ACKR2: variants seen among roughly 807,000 people sequenced by gnomAD.
The protein encoded by ACKR2 is atypical chemokine receptor 2.
For missense variants in ACKR2, 457 were observed against 477.3 expected, an observed-to-expected ratio of 0.96 and a Z score of 0.40; for synonymous variants, 207 against 192.2, an observed-to-expected ratio of 1.08 and a Z score of -0.64.
At chr3:42,823,541 G>C (rs1423002253) in intron 2 of ACKR2, among the ~76,000 whole-genome samples, 1 of 152,122 alleles carries the variant, frequency 6.6e-6, no homozygotes, top group African/African-American at 2.4e-5. Flanking sequence ...TGGAAGTTTG[G>C]TGGCTTGCCC....
chr3:42,837,128 G>A (rs1029220336), intron 2 of ACKR2, among the ~76,000 whole-genome samples: 1 of 152,160 alleles, frequency 6.6e-6, no homozygotes, highest in Non-Finnish European at 1.5e-5. Context: ...CCAGGGAAAC[G>A]GATGGTGTAA....
chr3:42,864,763 T>C lies in ACKR2; in HGVS notation c.261T>C (p.Asn87=). 1 of 1,614,240 alleles carries C rather than the reference T, an allele frequency of 6.2e-7. No individual in the cohort carries two copies. The highest frequency in any genetic ancestry group is 8.5e-7 in the Non-Finnish European group (1 of 1,180,044). ...GGATGGTTGAGATCTATCTGCTGAA[T>C]CTGGCCATCTCCAACCTTCTGTTTC... ...RRRMVEIYLL[N]LAISNLLFLV... is the part of the protein sequence containing the mutation. The change falls in exon 3 of 3, where the codon AAT becomes AAC. Residue 87 remains asparagine (N), a synonymous_variant. Transcript: ENST00000422265.
intron 2 of ACKR2, among the ~76,000 whole-genome samples, chr3:42,846,153 C>G (rs1403506886): frequency 6.6e-6 from 1 of 152,046 alleles, no homozygotes; most frequent in Admixed American, 6.6e-5. Context: ...TCCTGTCCAG[C>G]CCAAGTGCCA....
chr3:42,811,125 C>G (rs542008922), intron 1 of ACKR2, among the ~76,000 whole-genome samples: 1 of 152,324 alleles, frequency 6.6e-6, no homozygotes, highest in East Asian at 1.9e-4. Flanking sequence ...GCCTGGATTA[C>G]AGGTGTGAGC....
chr3:42,864,461 C>G lies in ACKR2; in HGVS notation c.-37-5C>G. 3 of 1,543,470 alleles carry G rather than the reference C, an allele frequency of 1.9e-6. No homozygotes were observed. Among genetic ancestry groups the G allele is most frequent in the East Asian group, 2.3e-5 (1 of 44,364 alleles). ...GCTAGGTCTCACCATATTTTCCCCCCGCAGCACTACAGGACGTCGGGACTG... is the reference window on the plus strand; with the variant it reads ...GCTAGGTCTCACCATATTTTCCCCCGGCAGCACTACAGGACGTCGGGACTG... On this transcript the variant is annotated splice_polypyrimidine_tract_variant and splice_region_variant and intron_variant, in intron 2 of 2. Transcript: ENST00000422265.
At chr3:42,813,948 A>G (rs535906806) in intron 1 of ACKR2, among the ~76,000 whole-genome samples, 1 of 152,322 alleles carries the variant, frequency 6.6e-6, no homozygotes, top group South Asian at 2.1e-4. Context: ...AATTCTAAGA[A>G]GTTCACACTT....
chr3:42,810,715 C>T (rs13070029), intron 1 of ACKR2, among the ~76,000 whole-genome samples: 32,313 of 152,212 alleles, frequency 0.21, 4,449 homozygotes, highest in East Asian at 0.48. Context: ...TAAAGGCCCT[C>T]GTGCCCCTTT....
chr3:42,845,305 C>T (rs904477766), intron 2 of ACKR2, among the ~76,000 whole-genome samples: 1 of 152,196 alleles, frequency 6.6e-6, no homozygotes, highest in Non-Finnish European at 1.5e-5. Flanking sequence ...AAAGACCCTT[C>T]CTGAGTCTCA....
intron 2 of ACKR2, among the ~76,000 whole-genome samples, chr3:42,822,746 AC>A (rs1700821081): frequency 7.1e-6 from 1 of 141,490 alleles, no homozygotes; most frequent in African/African-American, 2.6e-5. Context: ...CAGCCCAGCT[AC>A]TTGGGAGGTG....
Position 42,852,803 on chromosome 3 carries a change from T to G in ACKR2, c.-37-11663T>G, listed in dbSNP as rs535282308. On this transcript the variant is annotated intron_variant, in intron 2 of 2. Transcript: ENST00000422265. This position sits in a 1 kb window ranked among gnomAD's most constrained non-coding sequence, Gnocchi z 4.3. Reference sequence around the variant, plus strand: ...TTTTTGTTTTTTGGCCTCTTTTCTATTTTTCCACTGTATTTCCACATTTTA... The same window carrying G: ...TTTTTGTTTTTTGGCCTCTTTTCTAGTTTTCCACTGTATTTCCACATTTTA... Among the ~76,000 whole-genome samples, 6 of 152,326 alleles carry G rather than the reference T, an allele frequency of 3.9e-5. No homozygotes were observed. In the South Asian group the frequency reaches 8.3e-4, roughly 21 times the overall value.
intron 2 of ACKR2, among the ~76,000 whole-genome samples, chr3:42,848,619 A>G (rs566825514): frequency 6.6e-6 from 1 of 152,350 alleles, no homozygotes; most frequent in South Asian, 2.1e-4. Context: ...AACCACAGTA[A>G]TAATTACTGT....
chr3:42,855,058 C>T (rs1355920079), intron 2 of ACKR2, among the ~76,000 whole-genome samples: 4 of 151,878 alleles, frequency 2.6e-5, no homozygotes, highest in African/African-American at 4.8e-5. Context: ...GGTTTCGCCA[C>T]GTTGACCAGG....
At position 42,853,456 on chromosome 3, in the gene ACKR2, G is replaced by A. The variant is rs549972768; in HGVS notation, c.-37-11010G>A. On this transcript the variant is annotated intron_variant, in intron 2 of 2. Transcript: ENST00000422265. Reference sequence around the variant, plus strand: ...TATTATTGTTATTTTTTTGAGACAGGGTCTCGCTATGTTGCCCATGCTGGT... The same window carrying A: ...TATTATTGTTATTTTTTTGAGACAGAGTCTCGCTATGTTGCCCATGCTGGT... 2.6e-4 allele frequency among the ~76,000 whole-genome samples: 40 copies of A among 152,108 alleles called. 1 individual carries two copies. In the South Asian group the frequency reaches 8.1e-3, roughly 31 times the overall value.
At chr3:42,819,850 C>T (rs892155180) in intron 2 of ACKR2, 139 bp downstream of exon 2, 3 of 152,380 alleles carry the variant, frequency 2.0e-5, no homozygotes, top group African/African-American at 4.8e-5. Context: ...TCAGAGCCCC[C>T]CTTTCTCCTC....
chr3:42,851,543 G>A (rs1387686297), intron 2 of ACKR2: 5 of 565,390 alleles, frequency 8.8e-6, no homozygotes, highest in Non-Finnish European at 1.1e-5. Context: ...CTTGGGGAGT[G>A]GGCACAGGTG....
At chr3:42,855,356 T>G (rs1300232443) in intron 2 of ACKR2, among the ~76,000 whole-genome samples, 1 of 152,226 alleles carries the variant, frequency 6.6e-6, no homozygotes, top group Non-Finnish European at 1.5e-5. Flanking sequence ...CCTTCCCAAT[T>G]TGCCTTATAA....
chr3:42,840,749 G>C lies in ACKR2; in HGVS notation c.-38+21038G>C, dbSNP rs574874714. 1.2e-4 allele frequency among the ~76,000 whole-genome samples: 19 copies of C among 152,240 alleles called. No homozygotes were observed. In the East Asian group the frequency reaches 2.3e-3, roughly 19 times the overall value. ...GTCGCCCAGGCTGGAGTGCAATGGC[G>C]CAATCTCGGCTCATTGCAACCTCCA... On this transcript the variant is annotated intron_variant, in intron 2 of 2. Coordinates refer to ENST00000422265, the MANE Select transcript of ACKR2 (RefSeq NM_001296.5).
At chr3:42,811,181 A>G (rs1575370654) in intron 1 of ACKR2, among the ~76,000 whole-genome samples, 2 of 139,094 alleles carry the variant, frequency 1.4e-5, no homozygotes, top group South Asian at 4.7e-4. Flanking sequence ...AACAAGGCAC[A>G]TACATTTTCT....
chr3:42,862,295 A>G (rs2088392563), intron 2 of ACKR2, among the ~76,000 whole-genome samples: 1 of 152,172 alleles, frequency 6.6e-6, no homozygotes, highest in Non-Finnish European at 1.5e-5. Flanking sequence ...TAAGAATACA[A>G]CTTACAAGGG....
Sources: allele counts gnomAD v4.1 joint callset (sites outside exome capture counted in the v4.1 genomes callset), GRCh38; gene constraint gnomAD v4.1.1; non-coding constraint Gnocchi (gnomAD v3.1); transcripts MANE v1.5; gene names NCBI Gene and HGNC (gene_info 2026-07-23, HGNC 2026-07-21).